Variants in CSMD1 observed in about 807,000 individuals in gnomAD.
The protein encoded by CSMD1 is CUB and sushi domain-containing protein 1.
Under a neutral mutation model 417.5 loss-of-function variants are expected in CSMD1, and 213 were observed. The observed-to-expected ratio is 0.51, with a 90% CI of 0.46 to 0.57. The LOEUF (loss-of-function observed/expected upper bound fraction) is 0.57. Ranked by LOEUF, CSMD1 falls within the 20% of genes least tolerant of loss-of-function variation. The pLI is 0.00. For missense variants in CSMD1, 6,923 were observed against 4,529.7 expected, an observed-to-expected ratio of 1.53 and a Z score of -15.17; for synonymous variants, 2,862 against 1,736.8, an observed-to-expected ratio of 1.65 and a Z score of -16.11.
At chr8:4,200,495 T>G (rs1244767570) in intron 3 of CSMD1, among the ~76,000 whole-genome samples, 1 of 152,162 alleles carries the variant, frequency 6.6e-6, no homozygotes, top group Non-Finnish European at 1.5e-5. Flanking sequence ...GATAATCACT[T>G]AGGTAAAAAA....
chr8:3,709,065 G>T (rs950744917), intron 6 of CSMD1, among the ~76,000 whole-genome samples: 1 of 152,100 alleles, frequency 6.6e-6, no homozygotes, highest in Non-Finnish European at 1.5e-5. Context: ...AAAAGGCACA[G>T]AGGTCCTGGC....
chr8:4,111,274 G>C (rs1334155067), intron 3 of CSMD1, among the ~76,000 whole-genome samples: 1 of 152,090 alleles, frequency 6.6e-6, no homozygotes, highest in Non-Finnish European at 1.5e-5. Flanking sequence ...TTTAGATATA[G>C]ATCAGTGAAA....
intron 3 of CSMD1, among the ~76,000 whole-genome samples, chr8:4,227,045 C>CT: frequency 6.6e-6 from 1 of 152,190 alleles, no homozygotes; most frequent in South Asian, 2.1e-4. Flanking sequence ...TGTATCAACT[C>CT]TAAGACTGAA....
At chr8:4,692,493 A>T (rs1332764255) in intron 1 of CSMD1, among the ~76,000 whole-genome samples, 1 of 152,092 alleles carries the variant, frequency 6.6e-6, no homozygotes, top group Non-Finnish European at 1.5e-5. Context: ...AGGGGTTGAT[A>T]AAAAGAAAAT....
intron 23 of CSMD1, among the ~76,000 whole-genome samples, chr8:3,313,516 C>T (rs546854512): frequency 1.2e-4 from 18 of 152,318 alleles, no homozygotes; most frequent in African/African-American, 3.1e-4. Context: ...AAAAAATGCT[C>T]ATCATCACTG....
chr8:3,285,785 C>A (rs958711959), intron 25 of CSMD1, among the ~76,000 whole-genome samples: 1 of 151,830 alleles, frequency 6.6e-6, no homozygotes, highest in African/African-American at 2.4e-5. Flanking sequence ...TCTCTTATCA[C>A]ACACTCTGAA....
chr8:3,338,996 C>G (rs924698150), intron 23 of CSMD1, among the ~76,000 whole-genome samples: 5 of 131,630 alleles, frequency 3.8e-5, no homozygotes, highest in African/African-American at 1.4e-4. Flanking sequence ...TCCCCCCACC[C>G]CACAACAGTC....
chr8:4,236,099 G>C (rs1802042200), intron 3 of CSMD1, among the ~76,000 whole-genome samples: 2 of 137,776 alleles, frequency 1.5e-5, no homozygotes, highest in Admixed American at 8.2e-5. Flanking sequence ...GTTTCCTGTA[G>C]GCCCAGCACA....
At chr8:4,758,748 A>G (rs1301943169) in intron 1 of CSMD1, among the ~76,000 whole-genome samples, 1 of 152,240 alleles carries the variant, frequency 6.6e-6, no homozygotes, top group African/African-American at 2.4e-5. Flanking sequence ...CATTAATGAA[A>G]CCACCAGATC....
intron 3 of CSMD1, among the ~76,000 whole-genome samples, chr8:4,184,534 A>T (rs959384728): frequency 2.6e-5 from 4 of 152,192 alleles, no homozygotes; most frequent in Non-Finnish European, 4.4e-5. Flanking sequence ...TGCAGCCATA[A>T]AAAAGGACAA....
intron 20 of CSMD1, among the ~76,000 whole-genome samples, chr8:3,362,399 T>C (rs1809250469): frequency 6.6e-6 from 1 of 152,216 alleles, no homozygotes; most frequent in Non-Finnish European, 1.5e-5. Context: ...TGGTCAATTC[T>C]TAGGCTTCCT....
chr8:2,994,389 G>A lies in CSMD1; in HGVS notation c.8377+3622C>T, dbSNP rs116684498. Reference sequence around the variant, plus strand: ...GTGGATTCTTTCCCCACACACAGAAGTGTGCACCTGCTGTTGTTGCTGCTG... The same window carrying A: ...GTGGATTCTTTCCCCACACACAGAAATGTGCACCTGCTGTTGTTGCTGCTG... On this transcript the variant is annotated intron_variant, in intron 54 of 69. Coordinates refer to ENST00000635120, the MANE Select transcript of CSMD1 (RefSeq NM_033225.6). Among the ~76,000 whole-genome samples, 626 of 152,198 alleles carry A rather than the reference G, an allele frequency of 4.1e-3. 3 individuals carry two copies. The highest frequency in any genetic ancestry group is 0.014 in the African/African-American group (594 of 41,510).
At chr8:4,161,363 C>T (rs765619864) in intron 3 of CSMD1, among the ~76,000 whole-genome samples, 6 of 152,224 alleles carry the variant, frequency 3.9e-5, no homozygotes, top group Non-Finnish European at 2.9e-5. Context: ...TGTAAAAATG[C>T]AGGCTTTCAG....
intron 2 of CSMD1, among the ~76,000 whole-genome samples, chr8:4,507,546 T>C (rs1197096162): frequency 6.6e-6 from 1 of 152,172 alleles, no homozygotes; most frequent in Non-Finnish European, 1.5e-5. Context: ...ATAGAAGTAT[T>C]CAATTCTTAT....
intron 3 of CSMD1, among the ~76,000 whole-genome samples, chr8:4,127,416 A>T (rs1304141755): frequency 7.2e-6 from 1 of 138,922 alleles, no homozygotes; most frequent in Non-Finnish European, 1.5e-5. Context: ...TAAACCAACC[A>T]CCTTTTCTGA....
intron 23 of CSMD1, among the ~76,000 whole-genome samples, chr8:3,326,587 A>G (rs1046429738): frequency 1.3e-5 from 2 of 152,228 alleles, no homozygotes; most frequent in Non-Finnish European, 2.9e-5. Context: ...ACATAAAAGT[A>G]AAACTTTCTA....
chr8:4,567,029 C>A (rs1488303126), intron 2 of CSMD1, among the ~76,000 whole-genome samples: 2 of 152,122 alleles, frequency 1.3e-5, no homozygotes, highest in Admixed American at 6.6e-5. Context: ...TATTAACTGG[C>A]GTCCTACGGA....
intron 1 of CSMD1, among the ~76,000 whole-genome samples, chr8:4,951,706 C>G (rs891235803): frequency 2.6e-5 from 4 of 151,292 alleles, no homozygotes; most frequent in Non-Finnish European, 5.9e-5. Context: ...TGTGGTTCTA[C>G]CAGAAGAATC....
At chr8:4,187,896 T>C (rs200254958) in intron 3 of CSMD1, among the ~76,000 whole-genome samples, 1 of 152,120 alleles carries the variant, frequency 6.6e-6, no homozygotes, top group Non-Finnish European at 1.5e-5. Flanking sequence ...AGCACTGGCA[T>C]GATATCATGC....
Sources: allele counts gnomAD v4.1 joint callset (sites outside exome capture counted in the v4.1 genomes callset), GRCh38; gene constraint gnomAD v4.1.1; transcripts MANE v1.5; gene names NCBI Gene and HGNC (gene_info 2026-07-23, HGNC 2026-07-21).